The following SNTG1 variants were observed in gnomAD, a reference collection of about 807,000 sequenced individuals.
The protein encoded by SNTG1 is gamma-1-syntrophin.
SNTG1 carries 39 observed loss-of-function variants against 74.7 expected under a neutral mutation model. The ratio of observed to expected loss-of-function variants is 0.52; its 90% confidence interval spans 0.40 to 0.68. The LOEUF (loss-of-function observed/expected upper bound fraction) is 0.68, where lower values mean the gene tolerates loss of function less well. Among genes scored for constraint, SNTG1 ranks in the 30% least tolerant of loss-of-function variants. SNTG1 has a pLI of 0.00. For missense variants in SNTG1, 685 were observed against 609.5 expected, an observed-to-expected ratio of 1.12 and a Z score of -1.30; for synonymous variants, 254 against 217.1, an observed-to-expected ratio of 1.17 and a Z score of -1.49.
intron 1 of SNTG1, among the ~76,000 whole-genome samples, chr8:49,927,624 T>C (rs1205150492): frequency 1.3e-5 from 2 of 152,132 alleles, no homozygotes; most frequent in African/African-American, 4.8e-5. Flanking sequence ...GGCAGAATTA[T>C]GGAGACAGTA....
At chr8:50,641,067 A>G (rs1585927630) in intron 13 of SNTG1, among the ~76,000 whole-genome samples, 1 of 152,084 alleles carries the variant, frequency 6.6e-6, no homozygotes, top group East Asian at 1.9e-4. Flanking sequence ...ACTAACTCCA[A>G]CTTTCCTTCT....
At chr8:49,987,709 C>A (rs118090516) in intron 1 of SNTG1, among the ~76,000 whole-genome samples, 1 of 134,854 alleles carries the variant, frequency 7.4e-6, no homozygotes, top group African/African-American at 2.8e-5. Context: ...AGTGTGGTGG[C>A]GTGATCTCGG....
intron 18 of SNTG1, among the ~76,000 whole-genome samples, chr8:50,769,668 G>A (rs941744197): frequency 1.3e-5 from 2 of 151,944 alleles, no homozygotes; most frequent in African/African-American, 4.8e-5. Flanking sequence ...CCCCAAGTAA[G>A]TTTCTTAACT....
chr8:50,366,377 T>G (rs761241716), intron 2 of SNTG1, among the ~76,000 whole-genome samples: 1 of 152,104 alleles, frequency 6.6e-6, no homozygotes, highest in Non-Finnish European at 1.5e-5. Context: ...TACGTTTAAA[T>G]TGGTATTTTT....
chr8:50,630,331 T>C (rs74905970), intron 13 of SNTG1, among the ~76,000 whole-genome samples: 6,555 of 152,250 alleles, frequency 0.043, 247 homozygotes, highest in African/African-American at 0.095. Context: ...GAAAATAGAA[T>C]GCAGCAATCA....
chr8:50,381,721 T>C (rs1033392309), intron 2 of SNTG1, among the ~76,000 whole-genome samples: 1 of 140,632 alleles, frequency 7.1e-6, no homozygotes, highest in Non-Finnish European at 1.5e-5. Flanking sequence ...ATATAGGATA[T>C]ATATATCCTA....
At chr8:50,726,971 A>T (rs2095501772) in intron 17 of SNTG1, among the ~76,000 whole-genome samples, 1 of 152,238 alleles carries the variant, frequency 6.6e-6, no homozygotes. Flanking sequence ...TACCATTGAA[A>T]GATGTTATGT....
chr8:50,487,586 A>T (rs2093808431), intron 8 of SNTG1, among the ~76,000 whole-genome samples: 1 of 151,970 alleles, frequency 6.6e-6, no homozygotes, highest in Admixed American at 6.6e-5. Flanking sequence ...CTATCGCAAG[A>T]TCAAAAAACC....
At chr8:50,234,290 G>A (rs1450906911) in intron 2 of SNTG1, among the ~76,000 whole-genome samples, 1 of 151,894 alleles carries the variant, frequency 6.6e-6, no homozygotes, top group African/African-American at 2.4e-5. Context: ...GAAGGAAAAA[G>A]GCTGTGTCAA....
At chr8:49,923,184 T>A (rs555828240) in intron 1 of SNTG1, among the ~76,000 whole-genome samples, 2 of 152,240 alleles carry the variant, frequency 1.3e-5, no homozygotes, top group African/African-American at 4.8e-5. Flanking sequence ...TACCAAAGAT[T>A]TCCTAGTCAT....
At chr8:50,716,868 G>T (rs1055813818) in intron 17 of SNTG1, among the ~76,000 whole-genome samples, 2 of 151,834 alleles carry the variant, frequency 1.3e-5, no homozygotes, top group African/African-American at 4.8e-5. Context: ...GAGTAACTGG[G>T]ACTACAGGGG....
At chr8:50,667,113 T>C (rs1032134736) in intron 15 of SNTG1, among the ~76,000 whole-genome samples, 4 of 152,018 alleles carry the variant, frequency 2.6e-5, no homozygotes, top group Non-Finnish European at 5.9e-5. Context: ...AATTAAGGTA[T>C]AACGGAAGAT....
chr8:50,573,119 A>G (rs898546152), intron 12 of SNTG1, among the ~76,000 whole-genome samples: 3 of 152,120 alleles, frequency 2.0e-5, no homozygotes, highest in African/African-American at 7.2e-5. Flanking sequence ...AAAAAATTCT[A>G]TCCTTAAAGG....
intron 2 of SNTG1, among the ~76,000 whole-genome samples, chr8:50,346,406 C>CTT (rs36031650): frequency 0.065 from 9,932 of 152,204 alleles, 348 homozygotes; most frequent in African/African-American, 0.072. Flanking sequence ...TGTAGTGTGT[C>CTT]TGCTCCACCA....
chr8:49,934,333 A>G (rs181869528), intron 1 of SNTG1, among the ~76,000 whole-genome samples: 2 of 149,162 alleles, frequency 1.3e-5, no homozygotes, highest in Non-Finnish European at 1.5e-5. Context: ...CTATCTATCT[A>G]TCTACTCAAC....
chr8:50,468,795 G>T (rs2093629145), intron 8 of SNTG1, among the ~76,000 whole-genome samples: 1 of 152,038 alleles, frequency 6.6e-6, no homozygotes, highest in South Asian at 2.1e-4. Flanking sequence ...TTATGCTTTT[G>T]AAAACAATTA....
intron 1 of SNTG1, among the ~76,000 whole-genome samples, chr8:49,949,866 G>A (rs780867076): frequency 9.9e-5 from 15 of 152,196 alleles, no homozygotes; most frequent in Non-Finnish European, 1.3e-4. Context: ...TTGGCCAGGC[G>A]CAGTGGCCCA....
intron 2 of SNTG1, among the ~76,000 whole-genome samples, chr8:50,348,762 A>G (rs2091558680): frequency 6.6e-6 from 1 of 152,188 alleles, no homozygotes; most frequent in African/African-American, 2.4e-5. Context: ...TCTTACACTG[A>G]TTTTTCCCCT....
intron 2 of SNTG1, among the ~76,000 whole-genome samples, chr8:50,245,519 C>T (rs1043623149): frequency 5.3e-5 from 8 of 152,074 alleles, no homozygotes; most frequent in African/African-American, 1.7e-4. Context: ...CCCATCTCTA[C>T]TAAAAATACA....
Sources: allele counts gnomAD v4.1 joint callset (sites outside exome capture counted in the v4.1 genomes callset), GRCh38; gene constraint gnomAD v4.1.1; transcripts MANE v1.5; gene names NCBI Gene and HGNC (gene_info 2026-07-23, HGNC 2026-07-21).